The following MRTFB variants were observed in gnomAD, a reference collection of about 807,000 sequenced individuals.
MRTFB encodes myocardin related transcription factor B.
MRTFB carries 29 observed loss-of-function variants against 104.2 expected under a neutral mutation model. The ratio of observed to expected loss-of-function variants is 0.28; its 90% CI spans 0.21 to 0.38. The LOEUF (loss-of-function observed/expected upper bound fraction) is 0.38, where lower values mean the gene tolerates loss of function less well. Among genes scored for constraint, MRTFB ranks in the 10% least tolerant of loss-of-function variants. MRTFB has a pLI of 1.00. For synonymous variants in MRTFB, 535 were observed against 519.5 expected, an observed-to-expected ratio of 1.03 and a Z score of -0.41; for missense variants, 1,270 against 1,341.6, an observed-to-expected ratio of 0.95 and a Z score of 0.83.
chr16:14,241,956 T>C (rs934467548), intron 10 of MRTFB, among the ~76,000 whole-genome samples: 2 of 143,424 alleles, frequency 1.4e-5, no homozygotes, highest in South Asian at 2.4e-4. Context: ...TCCTTTGGCA[T>C]TGGGCACCAA....
the MRTFB span, among the ~76,000 whole-genome samples, chr16:14,008,972 G>A: frequency 5.4e-4 from 29 of 53,438 alleles, no homozygotes; most frequent in Middle Eastern, 0.033. Flanking sequence ...TTAGAGACAG[G>A]GTCTCTCTCT....
At chr16:14,221,893 C>G (rs576088296) in intron 8 of MRTFB, among the ~76,000 whole-genome samples, 1 of 151,036 alleles carries the variant, frequency 6.6e-6, no homozygotes. Flanking sequence ...GCGATTCTCC[C>G]GCTTCAGCCT....
intron 10 of MRTFB, among the ~76,000 whole-genome samples, chr16:14,242,010 A>G (rs1465720026): frequency 7.3e-6 from 1 of 137,732 alleles, no homozygotes; most frequent in African/African-American, 2.8e-5. Context: ...TAATAATAAT[A>G]ATGGTAATGA....
intron 4 of MRTFB, 93 bp downstream of exon 4, chr16:14,210,401 A>G: frequency 2.2e-6 from 2 of 897,770 alleles, no homozygotes; most frequent in Non-Finnish European, 3.4e-6. Context: ...TTTCAGTTGT[A>G]TCCATTTAAT....
chr16:14,212,973 G>A (rs1442768453), intron 5 of MRTFB, among the ~76,000 whole-genome samples: 2 of 151,930 alleles, frequency 1.3e-5, no homozygotes, highest in Non-Finnish European at 2.9e-5. Context: ...TTTGTTTTGG[G>A]GAAAATTTCT....
Position 14,200,770 on chromosome 16 carries a change from G to T in MRTFB, c.155-9473G>T, listed in dbSNP as rs546525673. 3.7e-5 allele frequency: 54 copies of T among 1,470,926 alleles called. No individual in the cohort carries two copies. The African/African-American group carries it at 6.7e-4, about 18-fold the overall frequency. The allele number at this position is 1,470,926 out of a possible 1,614,324, so 91.1% of individuals were successfully genotyped here. A position where few individuals can be genotyped will look rare whatever the true frequency, so the allele number is the denominator to read the frequency against. Reference sequence around the variant, plus strand: ...TTGTTGCCTGTCCAGTGCTGTGGGTGATACTTGCCTTCAGTGCACGCTTCT... The same window carrying T: ...TTGTTGCCTGTCCAGTGCTGTGGGTTATACTTGCCTTCAGTGCACGCTTCT... On this transcript the variant is annotated intron_variant, in intron 3 of 16. Transcript: ENST00000571589.
the MRTFB span, among the ~76,000 whole-genome samples, chr16:14,043,094 C>T: frequency 6.6e-6 from 1 of 152,192 alleles, no homozygotes; most frequent in Admixed American, 6.5e-5. Flanking sequence ...CTTGGAAAAG[C>T]AAACTTGTGG....
chr16:14,185,733 CTT>C (rs2039929779), intron 3 of MRTFB, among the ~76,000 whole-genome samples: 3 of 151,612 alleles, frequency 2.0e-5, no homozygotes, highest in Admixed American at 1.3e-4. Flanking sequence ...GTCTACTGCT[CTT>C]ATAACCTCTG....
chr16:14,000,604 G>C, the MRTFB span, among the ~76,000 whole-genome samples: 33 of 152,326 alleles, frequency 2.2e-4, no homozygotes, highest in African/African-American at 7.7e-4. Flanking sequence ...CTTCAATCAG[G>C]AGTAAAAGCA....
chr16:14,050,660 C>G, the MRTFB span, among the ~76,000 whole-genome samples: 1 of 152,188 alleles, frequency 6.6e-6, no homozygotes, highest in African/African-American at 2.4e-5. Context: ...TCAGTGTTTT[C>G]AGGCAAGGGT....
intron 3 of MRTFB, among the ~76,000 whole-genome samples, chr16:14,190,849 G>T (rs1333368378): frequency 6.6e-6 from 1 of 152,176 alleles, no homozygotes; most frequent in Non-Finnish European, 1.5e-5. Flanking sequence ...CAACGGAGTG[G>T]GGAGGAGTTA....
upstream of MRTFB, among the ~76,000 whole-genome samples, chr16:14,070,405 C>G (rs1051229459): frequency 1.3e-5 from 2 of 152,228 alleles, no homozygotes; most frequent in African/African-American, 4.8e-5. Flanking sequence ...GAAGAAGTCA[C>G]ACTTTTCTGT....
chr16:14,099,953 CT>C (rs1241382463), intron 2 of MRTFB, among the ~76,000 whole-genome samples: 1 of 152,196 alleles, frequency 6.6e-6, no homozygotes, highest in Non-Finnish European at 1.5e-5. Flanking sequence ...GTGTGAGCTG[CT>C]GTGCCCAGCC....
the MRTFB span, among the ~76,000 whole-genome samples, chr16:14,005,127 C>T: frequency 9.9e-5 from 15 of 152,266 alleles, no homozygotes; most frequent in African/African-American, 3.4e-4. Context: ...GCCCTGTGAG[C>T]CTCCAGGAAC....
chr16:14,110,411 G>C (rs927678595), intron 2 of MRTFB, among the ~76,000 whole-genome samples: 1 of 152,238 alleles, frequency 6.6e-6, no homozygotes, highest in Non-Finnish European at 1.5e-5. Flanking sequence ...CAGTCAGGGA[G>C]GTAGGGTTCT....
chr16:14,074,358 A>T (rs2033910168), intron 1 of MRTFB, among the ~76,000 whole-genome samples: 1 of 152,196 alleles, frequency 6.6e-6, no homozygotes, highest in Non-Finnish European at 1.5e-5. Flanking sequence ...ATTCACCTGT[A>T]TGTAAAAGAT....
chr16:14,256,559 C>T (rs2043502873), intron 15 of MRTFB, among the ~76,000 whole-genome samples: 1 of 152,160 alleles, frequency 6.6e-6, no homozygotes, highest in African/African-American at 2.4e-5. Context: ...TGTGGACATG[C>T]CAGCAGCCAT....
intron 3 of MRTFB, chr16:14,152,477 G>A (rs1264669977): frequency 1.3e-5 from 2 of 151,912 alleles, no homozygotes; most frequent in African/African-American, 2.4e-5. Flanking sequence ...TCACTAGAGG[G>A]GGTGGATCTA....
At chr16:14,016,024 C>A in the MRTFB span, 1 of 398,626 alleles carries the variant, frequency 2.5e-6, no homozygotes, top group Admixed American at 4.4e-5. Context: ...TATCTAACTT[C>A]TCCAAAATAT....
Sources: allele counts gnomAD v4.1 joint callset (sites outside exome capture counted in the v4.1 genomes callset), GRCh38; gene constraint gnomAD v4.1.1; transcripts MANE v1.5; gene names NCBI Gene and HGNC (gene_info 2026-07-23, HGNC 2026-07-21).